Variants in OR2L13 observed in about 807,000 individuals in gnomAD.
The protein encoded by OR2L13 is olfactory receptor family 2 subfamily L member 13, also known as olfactory receptor 2L13.
OR2L13 carries 14 observed loss-of-function variants against 15.3 expected under a neutral mutation model. The ratio of observed to expected loss-of-function variants is 0.91; its 90% confidence interval spans 0.60 to 1.43. OR2L13 has a LOEUF of 1.43. OR2L13 is among the 40% of genes most tolerant of loss of function. The pLI, the probability that OR2L13 is intolerant of heterozygous loss-of-function variation, is 0.00. For synonymous variants in OR2L13, 152 were observed against 142.9 expected, an observed-to-expected ratio of 1.06 and a Z score of -0.45; for missense variants, 367 against 387.9, an observed-to-expected ratio of 0.95 and a Z score of 0.45.
chr1:248,042,361 G>T, the OR2L13 span: 1 of 118,612 alleles, frequency 8.4e-6, no homozygotes, highest in African/African-American at 3.1e-5. Flanking sequence ...GTTGTGGGGT[G>T]GGGGGAGGGG....
the OR2L13 span, among the ~76,000 whole-genome samples, chr1:247,956,950 T>A: frequency 6.6e-5 from 10 of 152,262 alleles, no homozygotes; most frequent in Admixed American, 2.6e-4. Context: ...TTCTCCTGCC[T>A]GATTGCCCTG....
At chr1:248,081,403 G>A in the OR2L13 span, among the ~76,000 whole-genome samples, 257 of 152,080 alleles carry the variant, frequency 1.7e-3, no homozygotes, top group African/African-American at 5.8e-3. Context: ...TGTTGTCGTC[G>A]TTGCTGTAGC....
At chr1:248,022,207 G>A in the OR2L13 span, 2 of 1,614,058 alleles carry the variant, frequency 1.2e-6, no homozygotes, top group Non-Finnish European at 1.7e-6. Flanking sequence ...TTTCTGTATG[G>A]AAACAAGTCT....
At chr1:248,061,246 A>C in the OR2L13 span, 1 of 1,610,998 alleles carries the variant, frequency 6.2e-7, no homozygotes, top group Non-Finnish European at 8.5e-7. Context: ...TCTGGCCTGC[A>C]TGGACACCTG....
the OR2L13 span, chr1:248,063,040 GT>G: frequency 3.9e-5 from 6 of 152,092 alleles, no homozygotes; most frequent in African/African-American, 1.4e-4. Context: ...CATGCCTCCA[GT>G]TTTTTCTTTT....
the OR2L13 span, among the ~76,000 whole-genome samples, chr1:247,968,166 T>C: frequency 6.6e-6 from 1 of 152,192 alleles, no homozygotes; most frequent in African/African-American, 2.4e-5. Flanking sequence ...TAAATAATAA[T>C]AAACTTTATA....
At chr1:247,938,403 C>T in the OR2L13 span, among the ~76,000 whole-genome samples, 10 of 151,992 alleles carry the variant, frequency 6.6e-5, no homozygotes, top group African/African-American at 2.4e-4. Context: ...AGCATGAAAT[C>T]AGAGACAGTA....
the OR2L13 span, chr1:248,022,355 C>A: frequency 5.6e-6 from 9 of 1,614,136 alleles, no homozygotes; most frequent in South Asian, 4.4e-5. Context: ...TCCGTATGAG[C>A]AAAAGAATGT....
At chr1:248,003,999 G>C in the OR2L13 span, 3 of 1,613,840 alleles carry the variant, frequency 1.9e-6, no homozygotes, top group African/African-American at 2.7e-5. Context: ...ATCATCTATA[G>C]CCTGAGGAAC....
chr1:248,064,786 A>G, the OR2L13 span, among the ~76,000 whole-genome samples: 10 of 152,350 alleles, frequency 6.6e-5, no homozygotes, highest in East Asian at 1.9e-3. Context: ...ACCTACTGAC[A>G]TTCCTGTATA....
At chr1:248,073,776 T>C in the OR2L13 span, among the ~76,000 whole-genome samples, 1 of 151,784 alleles carries the variant, frequency 6.6e-6, no homozygotes, top group African/African-American at 2.4e-5. Context: ...TATAGAAAAG[T>C]TAATATGTAG....
chr1:248,090,355 T>C (rs1472574228), upstream of OR2L13, among the ~76,000 whole-genome samples: 2 of 148,840 alleles, frequency 1.3e-5, no homozygotes, highest in Non-Finnish European at 3.0e-5. Context: ...AGGTAAATTG[T>C]AGGTCACAGA....
the OR2L13 span, among the ~76,000 whole-genome samples, chr1:247,942,845 A>G: frequency 1.3e-5 from 2 of 152,096 alleles, no homozygotes; most frequent in African/African-American, 4.8e-5. Flanking sequence ...GTCTCCAACT[A>G]ACACTTTGTT....
chr1:248,046,339 A>G, the OR2L13 span, among the ~76,000 whole-genome samples: 1 of 152,178 alleles, frequency 6.6e-6, no homozygotes, highest in South Asian at 2.1e-4. Context: ...AATTAACCTC[A>G]TTCTATTTTA....
At chr1:247,958,236 A>C in the OR2L13 span, among the ~76,000 whole-genome samples, 2 of 152,080 alleles carry the variant, frequency 1.3e-5, no homozygotes, top group African/African-American at 4.8e-5. Flanking sequence ...TTCAGTTTCC[A>C]TGTAGTTGAG....
At chr1:247,989,722 G>C in the OR2L13 span, among the ~76,000 whole-genome samples, 1 of 152,126 alleles carries the variant, frequency 6.6e-6, no homozygotes, top group Non-Finnish European at 1.5e-5. Flanking sequence ...TTGGCTTACT[G>C]TTTTATAACT....
the OR2L13 span, among the ~76,000 whole-genome samples, chr1:248,020,255 G>A: frequency 6.6e-6 from 1 of 152,172 alleles, no homozygotes; most frequent in Admixed American, 6.5e-5. Flanking sequence ...GAAATAAAGA[G>A]CATCCAAATT....
At chr1:247,980,699 T>C in the OR2L13 span, among the ~76,000 whole-genome samples, 1 of 152,176 alleles carries the variant, frequency 6.6e-6, no homozygotes, top group African/African-American at 2.4e-5. Flanking sequence ...CGGTGAATCC[T>C]AGCAAAACAG....
chr1:247,941,578 A>G, the OR2L13 span, among the ~76,000 whole-genome samples: 2 of 152,188 alleles, frequency 1.3e-5, no homozygotes, highest in Admixed American at 6.5e-5. Context: ...TGATTCCTCA[A>G]TTAAACCAAC....
Sources: allele counts gnomAD v4.1 joint callset (sites outside exome capture counted in the v4.1 genomes callset), GRCh38; gene constraint gnomAD v4.1.1; transcripts MANE v1.5; gene names NCBI Gene and HGNC (gene_info 2026-07-23, HGNC 2026-07-21).